EVX2: variants seen among roughly 807,000 people sequenced by gnomAD.
EVX2 encodes the protein even-skipped homeobox 2.
Under a neutral mutation model 19.2 loss-of-function variants are expected in EVX2, and 10 were observed. The ratio of observed to expected loss-of-function variants is 0.52; its 90% CI spans 0.32 to 0.89. The LOEUF is 0.89. EVX2 is among the 40% of genes least tolerant of loss of function. EVX2 has a pLI of 0.03. For synonymous variants in EVX2, 354 were observed against 328.4 expected (o/e 1.08, Z -0.84); for missense variants, 710 against 694.9 (o/e 1.02, Z -0.24).
Position 176,083,188 on chromosome 2 carries a change from A to G in EVX2, c.427+162T>C, listed in dbSNP as rs956391874. On this transcript the variant is annotated intron_variant, in intron 1 of 2. Transcript: ENST00000308618. The surrounding 1 kb of genome is among the most constrained non-coding windows in gnomAD (Gnocchi z 4.4). Reference sequence around the variant, plus strand: ...GGAAAGCTCAAGGAGCAGAACTGGAAGGCACGGTCCCAGACATGCGTCCCG... The same window carrying G: ...GGAAAGCTCAAGGAGCAGAACTGGAGGGCACGGTCCCAGACATGCGTCCCG... 3.9e-5 allele frequency among the ~76,000 whole-genome samples: 6 copies of G among 152,216 alleles called. No individual in the cohort carries two copies. Among genetic ancestry groups the G allele is most frequent in the Non-Finnish European group, 5.9e-5 (4 of 68,032 alleles).
Position 176,083,531 on chromosome 2 carries a change from C to T in EVX2, c.246G>A (p.Thr82=), listed in dbSNP as rs746936014. 4.3e-6 allele frequency: 7 copies of T among 1,614,044 alleles called. No individual in the cohort carries two copies. The highest frequency in any genetic ancestry group is 1.1e-5 in the South Asian group (1 of 91,080). The change falls in exon 1 of 3, where the codon ACG becomes ACA. Residue 82 remains threonine (T), a synonymous_variant. Coordinates refer to ENST00000308618, the MANE Select transcript of EVX2 (RefSeq NM_001080458.2). The surrounding 1 kb of genome is among the most constrained non-coding windows in gnomAD (Gnocchi z 4.4). ...EIDTLFNLQH[T]GSESTVSSEI... is the part of the protein sequence containing the mutation. ...CGGAGGAGACGGTGCTTTCGCTGCC[C>T]GTGTGCTGCAGGTTGAACAAAGTGT... is the stretch of plus-strand genomic sequence containing the variant.
rs1377806364 is a variant in EVX2 at position 176,082,413 on chromosome 2, G to A, written c.464C>T (p.Thr155Met). The A allele has an allele frequency of 6.3e-7, 1 of 1,575,054 alleles. No homozygotes were observed. The highest frequency in any genetic ancestry group is 2.3e-5 in the East Asian group (1 of 43,748). ...TCCGAGGCCTGAGCCCGACGCCGAC[G>A]TCGTGGTGCCGGCAGCCGAGCCGCT... Reference protein sequence around the residue: ...AESGSAAGTTTSASGSGLGSL... With the variant: ...AESGSAAGTTMSASGSGLGSL... The change falls in exon 2 of 3, where the codon ACG (threonine) becomes ATG (methionine). Residue 155 changes from threonine to methionine, a missense_variant. Coordinates refer to ENST00000308618, the MANE Select transcript of EVX2 (RefSeq NM_001080458.2). This position sits in a 1 kb window ranked among gnomAD's most constrained non-coding sequence, Gnocchi z 5.2.
In EVX2 at chr2:176,080,982, CTCCCA is replaced by C; in HGVS notation, c.700-149_700-145del. On this transcript the variant is annotated intron_variant, in intron 2 of 2. Coordinates refer to ENST00000308618, the MANE Select transcript of EVX2 (RefSeq NM_001080458.2). This position sits in a 1 kb window ranked among gnomAD's most constrained non-coding sequence, Gnocchi z 7.0. ...AGCCCAACCCCGAGTACCCTGTGGT[CTCCCA>C]GCTGGGAAAGTGTGGACGGCAGTGT... The C allele has an allele frequency of 8.9e-7, 1 of 1,121,130 alleles. No individual in the cohort carries two copies. Among genetic ancestry groups the C allele is most frequent in the Non-Finnish European group, 1.2e-6 (1 of 818,258 alleles). The allele number at this position is 1,121,130 out of a possible 1,614,324, so 69.4% of individuals were successfully genotyped here. A position where few individuals can be genotyped will look rare whatever the true frequency, so the allele number is the denominator to read the frequency against.
At position 176,080,602 on chromosome 2, in the gene EVX2, G is replaced by C; in HGVS notation, c.936C>G (p.Phe312Leu). The C allele has an allele frequency of 6.5e-7, 1 of 1,526,766 alleles. No homozygotes were observed. Among genetic ancestry groups the C allele is most frequent in the African/African-American group, 1.4e-5 (1 of 71,454 alleles). 94.6% of individuals were successfully genotyped at this position (1,526,766 alleles called of 1,614,324 possible). The change falls in exon 3 of 3, where the codon TTC becomes TTG. Residue 312 changes from phenylalanine to leucine, a missense_variant. Coordinates refer to ENST00000308618, the MANE Select transcript of EVX2 (RefSeq NM_001080458.2). The surrounding 1 kb of genome is among the most constrained non-coding windows in gnomAD (Gnocchi z 7.0). The part of the protein sequence containing the change: ...SGAAAAASSP[F>L]ATSIRPLDTF... Reference sequence around the variant, plus strand: ...TGTCCAGTGGCCGGATGGAAGTAGCGAAGGGCGACGAAGCCGCGGCCGCCG... The same window carrying C: ...TGTCCAGTGGCCGGATGGAAGTAGCCAAGGGCGACGAAGCCGCGGCCGCCG...
At position 176,080,446 on chromosome 2, in the gene EVX2, TGCCGCGGCTGCCGCGGCAGAG is replaced by T; in HGVS notation, c.1071_1091del (p.Ser358_Ala364del). Reference sequence around the variant, plus strand: ...CCGAGGAGGCCGCAGCCGCTGCGGCTGCCGCGGCTGCCGCGGCAGAGGCCGCGCTGTTGAGCCCCGCGGCGG... The same window carrying T: ...CCGAGGAGGCCGCAGCCGCTGCGGCTGCCGCGCTGTTGAGCCCCGCGGCGG... On this transcript the variant is annotated inframe_deletion, in exon 3 of 3. Coordinates refer to ENST00000308618, the MANE Select transcript of EVX2 (RefSeq NM_001080458.2). The surrounding 1 kb of genome is among the most constrained non-coding windows in gnomAD (Gnocchi z 7.0). 1 of 1,155,492 alleles carries T rather than the reference TGCCGCGGCTGCCGCGGCAGAG, an allele frequency of 8.7e-7. No homozygotes were observed. The highest frequency in any genetic ancestry group is 3.9e-5 in the East Asian group (1 of 25,710). The allele number at this position is 1,155,492 out of a possible 1,614,324, so 71.6% of individuals were successfully genotyped here. A position where few individuals can be genotyped will look rare whatever the true frequency, so the allele number is the denominator to read the frequency against.
chr2:176,080,281 A>ACCACCG lies in EVX2; in HGVS notation c.1256_1257insCGGTGG (p.Gly427_Gly428dup), dbSNP rs1490315546. ...CCCCGCCGCCGCCGCCACCACCACC[A>ACCACCG]CCGCCGCCGCCACCGCCACCCCGGG... On this transcript the variant is annotated inframe_insertion, in exon 3 of 3. Transcript: ENST00000308618. The surrounding 1 kb of genome is among the most constrained non-coding windows in gnomAD (Gnocchi z 7.0). The ACCACCG allele has an allele frequency of 2.4e-6, 3 of 1,267,494 alleles. No individual in the cohort carries two copies. Among genetic ancestry groups the ACCACCG allele is most frequent in the Admixed American group, 3.9e-5 (1 of 25,950 alleles). 78.5% of individuals were successfully genotyped at this position (1,267,494 alleles called of 1,614,324 possible).
In EVX2 at chr2:176,082,137, C is replaced by T. The variant is rs1329796559; in HGVS notation, c.699+41G>A. The stretch of plus-strand genomic sequence containing the variant: ...GAAAAAGAAACAATCAACCCAGATG[C>T]CCCCGGGGAGGCCAGAGCAGGCATG... On this transcript the variant is annotated intron_variant, in intron 2 of 2. Transcript: ENST00000308618. This position sits in a 1 kb window ranked among gnomAD's most constrained non-coding sequence, Gnocchi z 5.2. The T allele has an allele frequency of 2.0e-6, 3 of 1,504,942 alleles. No homozygotes were observed. Among genetic ancestry groups the T allele is most frequent in the Admixed American group, 4.1e-5 (2 of 49,382 alleles). The allele number at this position is 1,504,942 out of a possible 1,614,324, so 93.2% of individuals were successfully genotyped here. A position where few individuals can be genotyped will look rare whatever the true frequency, so the allele number is the denominator to read the frequency against.
chr2:176,083,330 G>A lies in EVX2; in HGVS notation c.427+20C>T, dbSNP rs368061397. The A allele has an allele frequency of 1.2e-5, 19 of 1,555,936 alleles. No individual in the cohort carries two copies. The highest frequency in any genetic ancestry group is 1.9e-5 in the Admixed American group (1 of 52,026). On this transcript the variant is annotated intron_variant, in intron 1 of 2. Coordinates refer to ENST00000308618, the MANE Select transcript of EVX2 (RefSeq NM_001080458.2). This position sits in a 1 kb window ranked among gnomAD's most constrained non-coding sequence, Gnocchi z 4.4. Reference sequence around the variant, plus strand: ...CAAAGAGGATGGGACTGGAGAGCGCGGTGCGGCCGGCGCGGTTACCTTTGC... The same window carrying A: ...CAAAGAGGATGGGACTGGAGAGCGCAGTGCGGCCGGCGCGGTTACCTTTGC...
Position 176,079,729 on chromosome 2 carries a change from C to A in EVX2, c.*378G>T. The A allele has an allele frequency of 5.9e-6, 1 of 169,988 alleles. No homozygotes were observed. The highest frequency in any genetic ancestry group is 1.2e-5 in the Non-Finnish European group (1 of 80,030). 10.5% of individuals were successfully genotyped at this position (169,988 alleles called of 1,614,324 possible). On this transcript the variant is annotated 3_prime_UTR_variant, in exon 3 of 3. Coordinates refer to ENST00000308618, the MANE Select transcript of EVX2 (RefSeq NM_001080458.2). This position sits in a 1 kb window ranked among gnomAD's most constrained non-coding sequence, Gnocchi z 4.4. Reference sequence around the variant, plus strand: ...TGTGGTTCTCCGTTGCTTCGGGCCACGCCGTTCAGCCAAGCAACCCGGACC... The same window carrying A: ...TGTGGTTCTCCGTTGCTTCGGGCCAAGCCGTTCAGCCAAGCAACCCGGACC...
At position 176,079,963 on chromosome 2, in the gene EVX2, G is replaced by GT. The variant is rs1689105121; in HGVS notation, c.*143dup. The GT allele has an allele frequency of 1.2e-6, 1 of 865,894 alleles. No individual in the cohort carries two copies. Among genetic ancestry groups the GT allele is most frequent in the African/African-American group, 1.8e-5 (1 of 56,114 alleles). The allele number at this position is 865,894 out of a possible 1,614,324, so 53.6% of individuals were successfully genotyped here. A position where few individuals can be genotyped will look rare whatever the true frequency, so the allele number is the denominator to read the frequency against. On this transcript the variant is annotated 3_prime_UTR_variant, in exon 3 of 3. Transcript: ENST00000308618. The surrounding 1 kb of genome is among the most constrained non-coding windows in gnomAD (Gnocchi z 4.4). ...CTCCTTCTCCCCCAATTCGGAGCAGGTTCCCTTCGGCCTCCCGCGCCCCGG... is the reference window on the plus strand; with the variant it reads ...CTCCTTCTCCCCCAATTCGGAGCAGGTTTCCCTTCGGCCTCCCGCGCCCCGG...
In EVX2 at chr2:176,080,455, TGCCGCGGCAGAG is replaced by T; in HGVS notation, c.1071_1082del (p.Ser358_Ala361del). On this transcript the variant is annotated inframe_deletion, in exon 3 of 3. Transcript: ENST00000308618. The surrounding 1 kb of genome is among the most constrained non-coding windows in gnomAD (Gnocchi z 7.0). Reference sequence around the variant, plus strand: ...CCGCAGCCGCTGCGGCTGCCGCGGCTGCCGCGGCAGAGGCCGCGCTGTTGAGCCCCGCGGCGG... The same window carrying T: ...CCGCAGCCGCTGCGGCTGCCGCGGCTGCCGCGCTGTTGAGCCCCGCGGCGG... 8.5e-7 allele frequency: 1 copy of T among 1,182,692 alleles called. No homozygotes were observed. The highest frequency in any genetic ancestry group is 1.0e-6 in the Non-Finnish European group (1 of 959,628). 73.3% of individuals were successfully genotyped at this position (1,182,692 alleles called of 1,614,324 possible). A position where few individuals can be genotyped will look rare whatever the true frequency, so the allele number is the denominator to read the frequency against.
Position 176,082,476 on chromosome 2 carries a change from T to A in EVX2, c.428-27A>T. On this transcript the variant is annotated intron_variant, in intron 1 of 2. Coordinates refer to ENST00000308618, the MANE Select transcript of EVX2 (RefSeq NM_001080458.2). The surrounding 1 kb of genome is among the most constrained non-coding windows in gnomAD (Gnocchi z 5.2). The stretch of plus-strand genomic sequence containing the variant: ...TGGCAAACAAACGACCAACAGCGCA[T>A]GAGTGGCTGTAGGACCAACAGCCCG... 6.6e-7 allele frequency: 1 copy of A among 1,520,696 alleles called. No individual in the cohort carries two copies. Among genetic ancestry groups the A allele is most frequent in the Non-Finnish European group, 8.8e-7 (1 of 1,136,202 alleles). 94.2% of individuals were successfully genotyped at this position (1,520,696 alleles called of 1,614,324 possible).
In EVX2 at chr2:176,080,945, T is replaced by C; in HGVS notation, c.700-107A>G. ...GGACCTCTGAATGGCTTGGTCTACT[T>C]CTCTCCGACCAAGCCCAACCCCGAG... On this transcript the variant is annotated intron_variant, in intron 2 of 2. Coordinates refer to ENST00000308618, the MANE Select transcript of EVX2 (RefSeq NM_001080458.2). This position sits in a 1 kb window ranked among gnomAD's most constrained non-coding sequence, Gnocchi z 7.0. The C allele has an allele frequency of 7.3e-7, 1 of 1,376,040 alleles. No individual in the cohort carries two copies. Among genetic ancestry groups the C allele is most frequent in the Non-Finnish European group, 9.6e-7 (1 of 1,038,348 alleles). 85.2% of individuals were successfully genotyped at this position (1,376,040 alleles called of 1,614,324 possible).
rs1395948378 is a variant in EVX2, at chr2:176,080,735, G to A, written c.803C>T (p.Ala268Val). ...PSFYTYMMTH[A>V]AATGSLPYPF... ...GTAGGGCAGGCTTCCGGTGGCGGCCGCGTGCGTCATCATGTAGGTGTAGAA... is the reference window on the plus strand; with the variant it reads ...GTAGGGCAGGCTTCCGGTGGCGGCCACGTGCGTCATCATGTAGGTGTAGAA... The change falls in exon 3 of 3, where the codon GCG (alanine) becomes GTG (valine). Residue 268 changes from alanine (A) to valine (V), a missense_variant. Ala to Val is a moderately conservative substitution (Grantham distance 64). Transcript: ENST00000308618. The surrounding 1 kb of genome is among the most constrained non-coding windows in gnomAD (Gnocchi z 7.0). 6.2e-7 allele frequency: 1 copy of A among 1,608,850 alleles called. No homozygotes were observed. The highest frequency in any genetic ancestry group is 1.3e-5 in the African/African-American group (1 of 75,016).
chr2:176,080,246 G>T lies in EVX2; in HGVS notation c.1292C>A (p.Ala431Asp), dbSNP rs1236676999. Residue 431 changes from alanine (A) to aspartate (D), a missense_variant, in exon 3 of 3, where the codon GCC becomes GAC. By Grantham distance (126) the Ala-to-Asp change is moderately radical. Transcript: ENST00000308618. The surrounding 1 kb of genome is among the most constrained non-coding windows in gnomAD (Gnocchi z 7.0). ...GGGGGGGGAG[A>D]GGGSDFGCSA... The stretch of plus-strand genomic sequence containing the variant: ...GCAGCCGAAGTCCGAGCCTCCCCCG[G>T]CCCCGGCGCCCCCGCCGCCGCCGCC... 4 of 1,349,056 alleles carry T rather than the reference G, an allele frequency of 3.0e-6. No individual in the cohort carries two copies. The South Asian group carries it at 7.0e-5, about 24-fold the overall frequency. 83.6% of individuals were successfully genotyped at this position (1,349,056 alleles called of 1,614,324 possible). A position where few individuals can be genotyped will look rare whatever the true frequency, so the allele number is the denominator to read the frequency against.
chr2:176,079,936 T>A lies in EVX2; in HGVS notation c.*171A>T, dbSNP rs1010730782. The A allele has an allele frequency of 2.2e-5, 14 of 628,016 alleles. No homozygotes were observed. In the Admixed American group the frequency reaches 4.0e-4, roughly 18 times the overall value. 38.9% of individuals were successfully genotyped at this position (628,016 alleles called of 1,614,324 possible). A position where few individuals can be genotyped will look rare whatever the true frequency, so the allele number is the denominator to read the frequency against. ...GGGATGCCCGCCAGGCTTTTGCGCC[T>A]GCTCCTTCTCCCCCAATTCGGAGCA... On this transcript the variant is annotated 3_prime_UTR_variant, in exon 3 of 3. Coordinates refer to ENST00000308618, the MANE Select transcript of EVX2 (RefSeq NM_001080458.2). The surrounding 1 kb of genome is among the most constrained non-coding windows in gnomAD (Gnocchi z 4.4).
chr2:176,080,057 C>T lies in EVX2; in HGVS notation c.*50G>A, dbSNP rs1234358867. 5 of 1,497,746 alleles carry T rather than the reference C, an allele frequency of 3.3e-6. No homozygotes were observed. Among genetic ancestry groups the T allele is most frequent in the Non-Finnish European group, 3.6e-6 (4 of 1,122,566 alleles). 92.8% of individuals were successfully genotyped at this position (1,497,746 alleles called of 1,614,324 possible). A position where few individuals can be genotyped will look rare whatever the true frequency, so the allele number is the denominator to read the frequency against. On this transcript the variant is annotated 3_prime_UTR_variant, in exon 3 of 3. Coordinates refer to ENST00000308618, the MANE Select transcript of EVX2 (RefSeq NM_001080458.2). The surrounding 1 kb of genome is among the most constrained non-coding windows in gnomAD (Gnocchi z 7.0). Reference sequence around the variant, plus strand: ...GGCTCAGGGGGCGCACAGGGGACTCCCGGGCACACTCAGAGAGGCGGGCGC... The same window carrying T: ...GGCTCAGGGGGCGCACAGGGGACTCTCGGGCACACTCAGAGAGGCGGGCGC...
In EVX2 at chr2:176,083,289, G is replaced by T; in HGVS notation, c.427+61C>A. 1.3e-6 allele frequency: 2 copies of T among 1,493,764 alleles called. No individual in the cohort carries two copies. The highest frequency in any genetic ancestry group is 1.3e-5 in the South Asian group (1 of 77,842). 92.5% of individuals were successfully genotyped at this position (1,493,764 alleles called of 1,614,324 possible). On this transcript the variant is annotated intron_variant, in intron 1 of 2. Transcript: ENST00000308618. This position sits in a 1 kb window ranked among gnomAD's most constrained non-coding sequence, Gnocchi z 4.4. ...GGAAAAGGCACCGGGAAAGGCTGGC[G>T]GGGGCCGCGGAGGAGCAAAGAGGAT...
chr2:176,080,269 GC>G lies in EVX2; in HGVS notation c.1268del (p.Gly423AlafsTer41). On this transcript the variant is annotated frameshift_variant, in exon 3 of 3. Coordinates refer to ENST00000308618, the MANE Select transcript of EVX2 (RefSeq NM_001080458.2). LOFTEE classifies it high-confidence loss of function. The surrounding 1 kb of genome is among the most constrained non-coding windows in gnomAD (Gnocchi z 7.0). ...GGGGGGGGGGGGGGGGAGAGG... is the reference protein window; with the variant it reads ...GGGGGGGGGGXGGGGGAGAGG... ...CGGCCCCGGCGCCCCCGCCGCCGCC[GC>G]CACCACCACCACCGCCGCCGCCACC... 1 of 1,286,694 alleles carries G rather than the reference GC, an allele frequency of 7.8e-7. No individual in the cohort carries two copies. The highest frequency in any genetic ancestry group is 9.9e-7 in the Non-Finnish European group (1 of 1,014,700). 79.7% of individuals were successfully genotyped at this position (1,286,694 alleles called of 1,614,324 possible). A position where few individuals can be genotyped will look rare whatever the true frequency, so the allele number is the denominator to read the frequency against.
Sources: allele counts gnomAD v4.1 joint callset (sites outside exome capture counted in the v4.1 genomes callset), GRCh38; gene constraint gnomAD v4.1.1; non-coding constraint Gnocchi (gnomAD v3.1); transcripts MANE v1.5; gene names NCBI Gene and HGNC (gene_info 2026-07-23, HGNC 2026-07-21).